COLEC12: variants seen among roughly 807,000 people sequenced by gnomAD.
COLEC12 encodes the protein collectin subfamily member 12.
A neutral mutation model predicts 71.1 loss-of-function variants in COLEC12; 33 were observed. That is an observed-to-expected ratio of 0.46 (90% confidence interval 0.35 to 0.62). The LOEUF (loss-of-function observed/expected upper bound fraction) is 0.62. Among genes scored for constraint, COLEC12 ranks in the 20% least tolerant of loss-of-function variants. The pLI is 0.00. For missense variants in COLEC12, 765 were observed against 916.1 expected, an observed-to-expected ratio of 0.84 and a Z score of 2.13; for synonymous variants, 350 against 353.0, an observed-to-expected ratio of 0.99 and a Z score of 0.10.
chr18:403,242 T>A (rs1009032362), intron 2 of COLEC12, among the ~76,000 whole-genome samples: 2 of 152,234 alleles, frequency 1.3e-5, no homozygotes, highest in African/African-American at 4.8e-5. Context: ...ACAAATTGTA[T>A]AGAGTTCTTA....
At chr18:376,227 C>A (rs1173932575) in intron 2 of COLEC12, among the ~76,000 whole-genome samples, 1 of 152,202 alleles carries the variant, frequency 6.6e-6, no homozygotes, top group Non-Finnish European at 1.5e-5. Context: ...CTCCAGAATC[C>A]AGGGACCGTT....
intron 8 of COLEC12, among the ~76,000 whole-genome samples, chr18:329,186 G>A (rs1366871150): frequency 1.3e-5 from 2 of 152,146 alleles, no homozygotes; most frequent in Admixed American, 1.3e-4. Context: ...CCCCAGGGAA[G>A]AGGAGAAAAA....
In COLEC12 at chr18:500,119, T is replaced by C. The variant is rs9964881; in HGVS notation, c.7+389A>G. The stretch of plus-strand genomic sequence containing the variant: ...GGCTAGAGGCGGGAGGAGAGAGGAC[T>C]GGGCGAGCGTGGGGAGCGCTGCGGC... On this transcript the variant is annotated intron_variant, in intron 1 of 9. Transcript: ENST00000400256. This position sits in a 1 kb window ranked among gnomAD's most constrained non-coding sequence, Gnocchi z 5.3. 0.023 allele frequency among the ~76,000 whole-genome samples: 3,398 copies of C among 149,320 alleles called. 112 individuals carry two copies. The highest frequency in any genetic ancestry group is 0.078 in the African/African-American group (3,202 of 40,970).
chr18:398,423 A>G (rs1915614217), intron 2 of COLEC12, among the ~76,000 whole-genome samples: 1 of 152,246 alleles, frequency 6.6e-6, no homozygotes, highest in South Asian at 2.1e-4. Flanking sequence ...CTTCTATGGT[A>G]AAAACACAAG....
At chr18:367,396 T>C (rs1176515297) in intron 2 of COLEC12, among the ~76,000 whole-genome samples, 4 of 151,892 alleles carry the variant, frequency 2.6e-5, no homozygotes, top group Admixed American at 2.0e-4. Context: ...AGTGTTTTGA[T>C]GGGGAAAAAA....
rs1914027006 is a variant in COLEC12 at position 333,308 on chromosome 18, T to C, written c.1817-165A>G. ...TTCACGGACGTGCTCGCAGCAAGCA[T>C]GACCCAAAGTGGACTGCAGAGCACA... On this transcript the variant is annotated intron_variant, in intron 6 of 9. Transcript: ENST00000400256. The C allele has an allele frequency of 6.6e-5, 38 of 575,298 alleles. No individual in the cohort carries two copies. In the Middle Eastern group the frequency reaches 1.2e-3, roughly 18 times the overall value. The allele number at this position is 575,298 out of a possible 1,614,324, so 35.6% of individuals were successfully genotyped here.
chr18:376,668 A>T (rs528495526), intron 2 of COLEC12, among the ~76,000 whole-genome samples: 2 of 152,280 alleles, frequency 1.3e-5, no homozygotes, highest in South Asian at 4.1e-4. Flanking sequence ...TGGGGACACG[A>T]GTTTCTAGAG....
intron 3 of COLEC12, among the ~76,000 whole-genome samples, chr18:349,705 C>G (rs974327996): frequency 5.3e-5 from 8 of 152,122 alleles, no homozygotes; most frequent in Non-Finnish European, 1.0e-4. Flanking sequence ...GTGGAGCTGC[C>G]CAAGACCATG....
chr18:382,493 C>T (rs578189273), intron 2 of COLEC12, among the ~76,000 whole-genome samples: 5 of 152,178 alleles, frequency 3.3e-5, no homozygotes, highest in Admixed American at 6.5e-5. Flanking sequence ...GGATTGAAAA[C>T]GACTTTGAAA....
chr18:349,293 G>T (rs62089639), intron 3 of COLEC12, among the ~76,000 whole-genome samples: 1 of 152,302 alleles, frequency 6.6e-6, no homozygotes, highest in Admixed American at 6.5e-5. Flanking sequence ...CTGGGGCCGT[G>T]GCTTCAGAGG....
rs533269306 is a variant in COLEC12 at position 405,350 on chromosome 18, C to T, written c.59-47828G>A. 3.8e-4 allele frequency among the ~76,000 whole-genome samples: 58 copies of T among 152,210 alleles called. No individual in the cohort carries two copies. The South Asian group carries it at 0.011, about 30-fold the overall frequency. ...ATGCTTATTAGTTCTGCTTTTTGCC[C>T]TTTGAAGCGTGTGATCTTTGTACCT... On this transcript the variant is annotated intron_variant, in intron 2 of 9. Transcript: ENST00000400256.
chr18:479,296 T>C (rs1917364904), intron 2 of COLEC12, among the ~76,000 whole-genome samples: 1 of 152,152 alleles, frequency 6.6e-6, no homozygotes, highest in Admixed American at 6.5e-5. Flanking sequence ...GCGACGGGGC[T>C]GCACGCGGGC....
At chr18:435,196 A>C (rs191416061) in intron 2 of COLEC12, among the ~76,000 whole-genome samples, 3 of 152,374 alleles carry the variant, frequency 2.0e-5, no homozygotes, top group Admixed American at 1.3e-4. Flanking sequence ...AATTTGAAGA[A>C]GGATAAGAAG....
At chr18:405,567 T>G (rs924258599) in intron 2 of COLEC12, among the ~76,000 whole-genome samples, 4 of 152,096 alleles carry the variant, frequency 2.6e-5, no homozygotes, top group Admixed American at 2.6e-4. Context: ...AGAACCTACG[T>G]TGAAATATTG....
intron 5 of COLEC12, among the ~76,000 whole-genome samples, chr18:345,559 C>G (rs893776883): frequency 6.6e-6 from 1 of 152,178 alleles, no homozygotes; most frequent in African/African-American, 2.4e-5. Flanking sequence ...TCCTCTGTGA[C>G]CTTACTGTGA....
intron 2 of COLEC12, among the ~76,000 whole-genome samples, chr18:425,492 A>G (rs9948108): frequency 0.18 from 27,804 of 152,112 alleles, 2,841 homozygotes; most frequent in Middle Eastern, 0.24. Flanking sequence ...TTCCTTCCCA[A>G]TTCCTGCAAA....
chr18:347,082 A>T lies in COLEC12; in HGVS notation c.540T>A (p.Asn180Lys). The change falls in exon 5 of 10, where the codon AAT becomes AAA. Residue 180 changes from asparagine to lysine, a missense_variant. Transcript: ENST00000400256. ...GGAGCACGCTGGTATCTTGCTGCAG[A>T]TTCGTGACATAGCCATTATACGCCT... is the stretch of plus-strand genomic sequence containing the variant. The part of the protein sequence containing the change: ...TLQAYNGYVT[N>K]LQQDTSVLQG... The T allele has an allele frequency of 6.2e-7, 1 of 1,614,170 alleles. No homozygotes were observed. Among genetic ancestry groups the T allele is most frequent in the Non-Finnish European group, 8.5e-7 (1 of 1,180,036 alleles).
At chr18:488,320 A>C (rs1367617020) in intron 1 of COLEC12, among the ~76,000 whole-genome samples, 1 of 152,132 alleles carries the variant, frequency 6.6e-6, no homozygotes, top group Non-Finnish European at 1.5e-5. Flanking sequence ...CTGAGGCAGG[A>C]GAATCACTTG....
At chr18:471,923 C>A (rs1461951799) in intron 2 of COLEC12, among the ~76,000 whole-genome samples, 7 of 152,048 alleles carry the variant, frequency 4.6e-5, no homozygotes, top group African/African-American at 1.7e-4. Flanking sequence ...AGACAGAAGG[C>A]CCCTGGGAAA....
Sources: allele counts gnomAD v4.1 joint callset (sites outside exome capture counted in the v4.1 genomes callset), GRCh38; gene constraint gnomAD v4.1.1; non-coding constraint Gnocchi (gnomAD v3.1); transcripts MANE v1.5; gene names NCBI Gene and HGNC (gene_info 2026-07-23, HGNC 2026-07-21).